The following DPP6 variants were observed in gnomAD, a reference collection of about 807,000 sequenced individuals.
DPP6 encodes the protein dipeptidyl peptidase like 6, also known as A-type potassium channel modulatory protein DPP6.
DPP6 carries 69 observed loss-of-function variants against 122.6 expected under a neutral mutation model. That is an observed-to-expected ratio of 0.56 (90% confidence interval 0.46 to 0.69). The LOEUF (loss-of-function observed/expected upper bound fraction) is 0.69. Among genes scored for constraint, DPP6 ranks in the 30% least tolerant of loss-of-function variants. The probability of loss-of-function intolerance (pLI) is 0.00; values close to 1 mark genes in which losing one functional copy is unlikely to be tolerated. For synonymous variants in DPP6, 418 were observed against 433.1 expected, an observed-to-expected ratio of 0.97 and a Z score of 0.43; for missense variants, 928 against 1,116.9, an observed-to-expected ratio of 0.83 and a Z score of 2.41.
At chr7:153,773,016 T>A in the DPP6 span, among the ~76,000 whole-genome samples, 1 of 138,046 alleles carries the variant, frequency 7.2e-6, no homozygotes, top group African/African-American at 2.7e-5. Flanking sequence ...AGACATATAT[T>A]ATATAATAAT....
At chr7:153,748,967 G>A in the DPP6 span, among the ~76,000 whole-genome samples, 1 of 152,014 alleles carries the variant, frequency 6.6e-6, no homozygotes, top group Non-Finnish European at 1.5e-5. Flanking sequence ...AACCGCAGGA[G>A]TCTCCAATAG....
chr7:154,196,307 T>C lies in DPP6; in HGVS notation c.243+143244T>C, dbSNP rs533239504. Reference sequence around the variant, plus strand: ...GAGTTGGAGACCAGCCTGGCCAACATGGTGAAACCCTGTCTCTACTAAAAA... The same window carrying C: ...GAGTTGGAGACCAGCCTGGCCAACACGGTGAAACCCTGTCTCTACTAAAAA... On this transcript the variant is annotated intron_variant, in intron 1 of 25. Coordinates refer to ENST00000377770, the MANE Select transcript of DPP6 (RefSeq NM_130797.4). Among the ~76,000 whole-genome samples the C allele has an allele frequency of 1.1e-3, 168 of 152,244 alleles. 1 individual carries two copies. Among genetic ancestry groups the C allele is most frequent in the African/African-American group, 3.8e-3 (160 of 41,560 alleles).
At chr7:154,264,598 A>G (rs1803252394) in intron 1 of DPP6, among the ~76,000 whole-genome samples, 1 of 152,112 alleles carries the variant, frequency 6.6e-6, no homozygotes, top group African/African-American at 2.4e-5. Context: ...CCGCATTGGT[A>G]TCTGTGATGA....
At chr7:153,822,181 C>CTTTTT in the DPP6 span, among the ~76,000 whole-genome samples, 1 of 61,882 alleles carries the variant, frequency 1.6e-5, no homozygotes, top group Non-Finnish European at 2.9e-5. Context: ...GGGGGGGAAT[C>CTTTTT]TTTTTTTTTT....
At chr7:154,874,107 C>CCACACCCA (rs1356827288) in intron 19 of DPP6, among the ~76,000 whole-genome samples, 1 of 146,346 alleles carries the variant, frequency 6.8e-6, no homozygotes, top group East Asian at 2.6e-4. Flanking sequence ...CTATACACAC[C>CCACACCCA]CACACCCACA....
At chr7:154,268,760 A>G (rs1803594248) in intron 1 of DPP6, among the ~76,000 whole-genome samples, 2 of 152,112 alleles carry the variant, frequency 1.3e-5, no homozygotes, top group African/African-American at 4.8e-5. Context: ...TTTGTTCCAC[A>G]AAATGCTGCT....
rs1563081135 is a variant in DPP6, at chr7:153,991,178, C to T, written c.51+103444C>T. The stretch of plus-strand genomic sequence containing the variant: ...GAAAGGAGGAAGTAAAGAGCACACA[C>T]CGGCTTTTGGAAGCAGATAGCTCAT... On this transcript the variant is annotated intron_variant, in intron 1 of 25. Transcript: ENST00000404039. 4.6e-5 allele frequency among the ~76,000 whole-genome samples: 7 copies of T among 152,122 alleles called. No homozygotes were observed. The South Asian group carries it at 1.5e-3, about 32-fold the overall frequency.
chr7:154,701,998 C>A (rs1376210260), intron 7 of DPP6, among the ~76,000 whole-genome samples: 1 of 152,210 alleles, frequency 6.6e-6, no homozygotes, highest in African/African-American at 2.4e-5. Flanking sequence ...ACCATTTTTC[C>A]ATCACATGTT....
At chr7:154,748,669 G>A (rs1037015303) in intron 8 of DPP6, among the ~76,000 whole-genome samples, 1 of 152,178 alleles carries the variant, frequency 6.6e-6, no homozygotes, top group Non-Finnish European at 1.5e-5. Flanking sequence ...CGCGCATGGC[G>A]GTAAGCAGGG....
At chr7:154,254,172 T>C (rs1802520296) in intron 1 of DPP6, among the ~76,000 whole-genome samples, 1 of 152,190 alleles carries the variant, frequency 6.6e-6, no homozygotes, top group Admixed American at 6.5e-5. Context: ...CCCTGTTCTA[T>C]ATAGATGAAG....
chr7:154,621,092 C>T (rs977748574), intron 5 of DPP6, among the ~76,000 whole-genome samples: 6 of 152,168 alleles, frequency 3.9e-5, no homozygotes, highest in African/African-American at 1.4e-4. Flanking sequence ...TCAAGAGTTC[C>T]TGTTTCCCAA....
chr7:154,609,361 A>G (rs138782307), intron 5 of DPP6, among the ~76,000 whole-genome samples: 1 of 152,368 alleles, frequency 6.6e-6, no homozygotes, highest in East Asian at 1.9e-4. Context: ...AGTATTTTCT[A>G]AAGAAGTCAT....
chr7:154,718,311 T>C (rs892154657), intron 7 of DPP6, among the ~76,000 whole-genome samples: 7 of 152,190 alleles, frequency 4.6e-5, no homozygotes, highest in East Asian at 1.9e-4. Flanking sequence ...TTCTTTTCTA[T>C]AAAATCCTTG....
At chr7:154,323,212 C>T (rs908088186) in intron 1 of DPP6, among the ~76,000 whole-genome samples, 11 of 151,936 alleles carry the variant, frequency 7.2e-5, no homozygotes, top group Admixed American at 5.9e-4. Flanking sequence ...TGTTCATTTC[C>T]GAGATTCACT....
intron 1 of DPP6, among the ~76,000 whole-genome samples, chr7:154,242,827 C>G (rs190859903): frequency 6.6e-6 from 1 of 152,326 alleles, no homozygotes; most frequent in Admixed American, 6.5e-5. Context: ...GCTGCCCACA[C>G]CATGGCAGGC....
chr7:154,783,068 A>G (rs1429095228), intron 10 of DPP6, among the ~76,000 whole-genome samples: 1 of 152,098 alleles, frequency 6.6e-6, no homozygotes, highest in East Asian at 1.9e-4. Flanking sequence ...TGCGGTTCCT[A>G]ACACCTTCCC....
At chr7:154,633,683 C>T (rs1026057433) in intron 5 of DPP6, among the ~76,000 whole-genome samples, 1 of 152,178 alleles carries the variant, frequency 6.6e-6, no homozygotes, top group Admixed American at 6.5e-5. Flanking sequence ...CAAATGAAAA[C>T]GCTTCAATTT....
chr7:154,174,502 T>TA (rs1797696872), intron 1 of DPP6, among the ~76,000 whole-genome samples: 1 of 152,180 alleles, frequency 6.6e-6, no homozygotes, highest in African/African-American at 2.4e-5. Context: ...AATTGATACA[T>TA]ACACAAAGCC....
intron 16 of DPP6, among the ~76,000 whole-genome samples, chr7:154,812,672 C>T (rs1191166694): frequency 1.3e-5 from 2 of 152,140 alleles, no homozygotes; most frequent in African/African-American, 2.4e-5. Context: ...AATACCATCA[C>T]GTTGGAGGTT....
Sources: allele counts gnomAD v4.1 joint callset (sites outside exome capture counted in the v4.1 genomes callset), GRCh38; gene constraint gnomAD v4.1.1; transcripts MANE v1.5; gene names NCBI Gene and HGNC (gene_info 2026-07-23, HGNC 2026-07-21).